PRKG1: variants seen among roughly 807,000 people sequenced by gnomAD.
PRKG1 encodes protein kinase cGMP-dependent 1, also known as cGMP-dependent protein kinase 1.
A neutral mutation model predicts 88.1 loss-of-function variants in PRKG1; 35 were observed. The ratio of observed to expected loss-of-function variants is 0.40; its 90% CI spans 0.30 to 0.53. The LOEUF (loss-of-function observed/expected upper bound fraction) is 0.53, where lower values mean the gene tolerates loss of function less well. Among genes scored for constraint, PRKG1 ranks in the 20% least tolerant of loss-of-function variants. The pLI, the probability that PRKG1 is intolerant of heterozygous loss-of-function variation, is 0.59. For synonymous variants in PRKG1, 303 were observed against 292.5 expected, an observed-to-expected ratio of 1.04 and a Z score of -0.37; for missense variants, 540 against 839.8, an observed-to-expected ratio of 0.64 and a Z score of 4.41.
rs1289113372 is a variant in PRKG1, at chr10:51,663,723, A to ACC, written c.593-140862_593-140861insCC. 5.8e-4 allele frequency among the ~76,000 whole-genome samples: 86 copies of ACC among 148,058 alleles called. 3 individuals carry two copies. Among genetic ancestry groups the ACC allele is most frequent in the Admixed American group, 2.8e-4 (4 of 14,504 alleles). On this transcript the variant is annotated intron_variant, in intron 3 of 17. Transcript: ENST00000373980. The stretch of plus-strand genomic sequence containing the variant: ...GTCTCAAAAAAAAAAAAAAAAAAAA[A>ACC]ACACACCTGACTTTTTGATATTGTC...
intron 2 of PRKG1, among the ~76,000 whole-genome samples, chr10:51,210,800 T>C (rs574551800): frequency 6.6e-6 from 1 of 151,966 alleles, no homozygotes; most frequent in East Asian, 1.9e-4. Context: ...CAATAACAGG[T>C]CTGAAATTGA....
At chr10:51,489,802 G>A (rs1383131028) in intron 3 of PRKG1, among the ~76,000 whole-genome samples, 1 of 152,060 alleles carries the variant, frequency 6.6e-6, no homozygotes, top group African/African-American at 2.4e-5. Flanking sequence ...TAATTCAGGT[G>A]AAAATAATAG....
chr10:51,791,530 CT>C (rs1838869358), intron 3 of PRKG1, among the ~76,000 whole-genome samples: 1 of 152,054 alleles, frequency 6.6e-6, no homozygotes, highest in Admixed American at 6.6e-5. Context: ...ATTGTTTCCC[CT>C]TTTTAACCCA....
intron 4 of PRKG1, among the ~76,000 whole-genome samples, chr10:51,896,965 C>G (rs1043558845): frequency 6.6e-6 from 1 of 152,036 alleles, no homozygotes; most frequent in Non-Finnish European, 1.5e-5. Context: ...GTGGCCATTG[C>G]GTGATAAGGG....
At chr10:52,133,239 A>G (rs941529429) in intron 7 of PRKG1, among the ~76,000 whole-genome samples, 12 of 152,156 alleles carry the variant, frequency 7.9e-5, no homozygotes, top group Non-Finnish European at 1.2e-4. Context: ...AACAAATTAA[A>G]TGCTTCTAAA....
chr10:52,145,137 T>C (rs1240111854), intron 8 of PRKG1, among the ~76,000 whole-genome samples: 1 of 152,176 alleles, frequency 6.6e-6, no homozygotes, highest in African/African-American at 2.4e-5. Flanking sequence ...AATCAGATGA[T>C]GAATGGAAAT....
At chr10:51,770,604 T>G (rs948236229) in intron 3 of PRKG1, among the ~76,000 whole-genome samples, 3 of 152,160 alleles carry the variant, frequency 2.0e-5, no homozygotes, top group African/African-American at 7.2e-5. Flanking sequence ...GAGCTCTGCC[T>G]CCTGTCAGAT....
At chr10:51,468,500 A>C (rs1278174467) in intron 3 of PRKG1, among the ~76,000 whole-genome samples, 4 of 151,858 alleles carry the variant, frequency 2.6e-5, no homozygotes, top group Non-Finnish European at 5.9e-5. Flanking sequence ...CAGCTGCAAT[A>C]GTTAGAAGGA....
At chr10:52,223,435 C>T (rs753099425) in intron 9 of PRKG1, among the ~76,000 whole-genome samples, 21 of 152,120 alleles carry the variant, frequency 1.4e-4, no homozygotes, top group Non-Finnish European at 2.5e-4. Flanking sequence ...TTCTTTCTTT[C>T]CCATTAGCTG....
chr10:51,523,080 A>G (rs1396635525), intron 3 of PRKG1, among the ~76,000 whole-genome samples: 2 of 152,226 alleles, frequency 1.3e-5, no homozygotes, highest in Non-Finnish European at 2.9e-5. Flanking sequence ...CAGATTATGC[A>G]ACACCAGATA....
intron 9 of PRKG1, among the ~76,000 whole-genome samples, chr10:52,220,427 A>T (rs11001241): frequency 0.52 from 79,061 of 151,746 alleles, 22,657 homozygotes; most frequent in East Asian, 0.82. Flanking sequence ...ATATATATAT[A>T]TATGTAAGTT....
At chr10:51,497,702 A>G (rs932137384) in intron 3 of PRKG1, among the ~76,000 whole-genome samples, 3 of 152,208 alleles carry the variant, frequency 2.0e-5, no homozygotes, top group Non-Finnish European at 4.4e-5. Flanking sequence ...GTAAAGTATC[A>G]GTTTTATGAT....
chr10:51,522,775 T>C (rs1381434241), intron 3 of PRKG1, among the ~76,000 whole-genome samples: 1 of 152,144 alleles, frequency 6.6e-6, no homozygotes, highest in African/African-American at 2.4e-5. Flanking sequence ...TTTTAAAGAA[T>C]ATTATGTCAG....
intron 4 of PRKG1, among the ~76,000 whole-genome samples, chr10:51,884,444 C>CAAA (rs57229967): frequency 0.046 from 3,187 of 69,442 alleles, 403 homozygotes; most frequent in East Asian, 0.096. Flanking sequence ...AACTCCGTCT[C>CAAA]AAAAAAAAAA....
chr10:51,799,933 T>G (rs1344481343), intron 3 of PRKG1, among the ~76,000 whole-genome samples: 1 of 152,066 alleles, frequency 6.6e-6, no homozygotes, highest in Non-Finnish European at 1.5e-5. Context: ...AAGAAAATCA[T>G]TTATATTGAA....
intron 1 of PRKG1, among the ~76,000 whole-genome samples, chr10:51,152,622 G>C (rs1423370511): frequency 6.6e-6 from 1 of 151,856 alleles, no homozygotes; most frequent in Admixed American, 6.6e-5. Context: ...ATAAAATAAA[G>C]AACAAATTTA....
At chr10:51,875,649 T>C (rs772138747) in intron 4 of PRKG1, among the ~76,000 whole-genome samples, 2 of 152,216 alleles carry the variant, frequency 1.3e-5, no homozygotes, top group Non-Finnish European at 2.9e-5. Flanking sequence ...CTTTCGACTT[T>C]CCATGGACAT....
intron 2 of PRKG1, among the ~76,000 whole-genome samples, chr10:51,203,940 C>G (rs933772089): frequency 6.6e-6 from 1 of 152,078 alleles, no homozygotes; most frequent in Non-Finnish European, 1.5e-5. Flanking sequence ...GAATTTTTGC[C>G]TAGGGTGATA....
At chr10:51,737,921 G>A (rs1837331449) in intron 3 of PRKG1, among the ~76,000 whole-genome samples, 2 of 150,212 alleles carry the variant, frequency 1.3e-5, no homozygotes, top group South Asian at 2.2e-4. Context: ...ATGCCACCAC[G>A]CCTGGCTAAT....
Sources: allele counts gnomAD v4.1 joint callset (sites outside exome capture counted in the v4.1 genomes callset), GRCh38; gene constraint gnomAD v4.1.1; transcripts MANE v1.5; gene names NCBI Gene and HGNC (gene_info 2026-07-23, HGNC 2026-07-21).